KIAA1217: variants seen among roughly 807,000 people sequenced by gnomAD.
KIAA1217 encodes sickle tail protein homolog.
Under a neutral mutation model 163.9 loss-of-function variants are expected in KIAA1217, and 88 were observed. That is an observed-to-expected ratio of 0.54 (90% CI 0.45 to 0.64). The LOEUF (loss-of-function observed/expected upper bound fraction) is 0.64. Among genes scored for constraint, KIAA1217 ranks in the 30% least tolerant of loss-of-function variants. The pLI is 0.00. For synonymous variants in KIAA1217, 903 were observed against 923.1 expected (o/e 0.98, Z 0.39); for missense variants, 2,372 against 2,475.0 (o/e 0.96, Z 0.88).
intron 3 of KIAA1217, among the ~76,000 whole-genome samples, chr10:24,402,445 C>T (rs1172296291): frequency 6.7e-6 from 1 of 148,392 alleles, no homozygotes; most frequent in African/African-American, 2.6e-5. Context: ...GGAGGCGGAG[C>T]TTGCAGTGAG....
At chr10:24,082,636 A>C (rs1356701274) in intron 2 of KIAA1217, among the ~76,000 whole-genome samples, 1 of 152,128 alleles carries the variant, frequency 6.6e-6, no homozygotes, top group Non-Finnish European at 1.5e-5. Flanking sequence ...TTCTTTATCC[A>C]GTCTATCATT....
intron 1 of KIAA1217, among the ~76,000 whole-genome samples, chr10:23,826,625 A>T (rs146889770): frequency 1.3e-5 from 2 of 152,240 alleles, no homozygotes; most frequent in African/African-American, 4.8e-5. Flanking sequence ...CAAGCTGTGG[A>T]TGGAGTTCAA....
chr10:24,488,204 T>G (rs1408056061), intron 6 of KIAA1217, among the ~76,000 whole-genome samples: 2 of 152,060 alleles, frequency 1.3e-5, no homozygotes, highest in Admixed American at 1.3e-4. Context: ...CTGTAAAGAT[T>G]TTGAGGCTGT....
At chr10:23,718,979 GT>G (rs1216516824) in intron 1 of KIAA1217, among the ~76,000 whole-genome samples, 1 of 152,288 alleles carries the variant, frequency 6.6e-6, no homozygotes, top group Non-Finnish European at 1.5e-5. Flanking sequence ...ACCTGTGTTT[GT>G]GTTTGACAAT....
intron 2 of KIAA1217, among the ~76,000 whole-genome samples, chr10:24,034,408 A>C (rs2131543873): frequency 6.6e-6 from 1 of 151,992 alleles, no homozygotes. Flanking sequence ...AAAAATACAA[A>C]AAAAATTAGC....
At chr10:24,270,042 C>T (rs1053037540) in intron 2 of KIAA1217, among the ~76,000 whole-genome samples, 2 of 152,210 alleles carry the variant, frequency 1.3e-5, no homozygotes, top group Non-Finnish European at 2.9e-5. Context: ...AGCGTTAGAA[C>T]ACAGATTGCC....
intron 2 of KIAA1217, among the ~76,000 whole-genome samples, chr10:24,375,691 G>A (rs1341615406): frequency 2.6e-5 from 4 of 152,180 alleles, no homozygotes; most frequent in Non-Finnish European, 5.9e-5. Context: ...AAATACATTT[G>A]CATGTGGAAA....
chr10:24,256,024 G>A (rs574305877), intron 2 of KIAA1217, among the ~76,000 whole-genome samples: 62 of 118,222 alleles, frequency 5.2e-4, no homozygotes, highest in Non-Finnish European at 7.8e-4. Context: ...GAGTGCTGCC[G>A]ATTAACTCAA....
chr10:24,187,851 T>C (rs1054256782), intron 2 of KIAA1217, among the ~76,000 whole-genome samples: 35 of 145,132 alleles, frequency 2.4e-4, no homozygotes, highest in South Asian at 2.2e-3. Flanking sequence ...GATCGCACCA[T>C]TGCATTCCAG....
chr10:23,969,715 C>G (rs1845224419), intron 1 of KIAA1217, among the ~76,000 whole-genome samples: 1 of 152,152 alleles, frequency 6.6e-6, no homozygotes, highest in Admixed American at 6.5e-5. Context: ...CAGATATTCA[C>G]TCTTATTCTA....
At chr10:24,488,580 T>G (rs1272866600) in intron 6 of KIAA1217, among the ~76,000 whole-genome samples, 2 of 152,192 alleles carry the variant, frequency 1.3e-5, no homozygotes, top group African/African-American at 4.8e-5. Context: ...AACAATGTCT[T>G]TAGTTACACA....
At chr10:24,419,356 T>G (rs2058548041) in intron 3 of KIAA1217, among the ~76,000 whole-genome samples, 1 of 152,086 alleles carries the variant, frequency 6.6e-6, no homozygotes, top group African/African-American at 2.4e-5. Flanking sequence ...TTTAAAATGA[T>G]TTTTCTTTAA....
At chr10:23,704,234 G>C (rs1402064200) in intron 1 of KIAA1217, among the ~76,000 whole-genome samples, 2 of 124,758 alleles carry the variant, frequency 1.6e-5, no homozygotes, top group African/African-American at 6.2e-5. Context: ...GGTAAATAAG[G>C]AGAAATATGA....
chr10:24,239,947 T>A (rs2072858286), intron 2 of KIAA1217, among the ~76,000 whole-genome samples: 1 of 152,118 alleles, frequency 6.6e-6, no homozygotes, highest in Non-Finnish European at 1.5e-5. Flanking sequence ...TTTTTGAGCT[T>A]TTAGGGAAGC....
chr10:24,150,954 A>G (rs978294314), intron 2 of KIAA1217, among the ~76,000 whole-genome samples: 1 of 152,076 alleles, frequency 6.6e-6, no homozygotes, highest in Non-Finnish European at 1.5e-5. Flanking sequence ...CCTGAAATGG[A>G]AGGGAATGTT....
chr10:23,944,830 G>A (rs1385621393), intron 1 of KIAA1217, among the ~76,000 whole-genome samples: 3 of 152,098 alleles, frequency 2.0e-5, no homozygotes, highest in Admixed American at 6.5e-5. Flanking sequence ...AGGCCAAGGT[G>A]GGTGGATCAC....
At chr10:23,916,968 C>CAAA (rs72049753) in intron 1 of KIAA1217, among the ~76,000 whole-genome samples, 1,792 of 79,906 alleles carry the variant, frequency 0.022, 88 homozygotes, top group African/African-American at 0.061. Flanking sequence ...GAGATTCTCT[C>CAAA]AAAAAAAAAA....
At chr10:24,218,393 A>G (rs1315862954) in intron 1 of KIAA1217, among the ~76,000 whole-genome samples, 1 of 152,130 alleles carries the variant, frequency 6.6e-6, no homozygotes, top group Non-Finnish European at 1.5e-5. Flanking sequence ...GGCTATCAGG[A>G]TGTACCATTG....
chr10:23,727,501 A>G (rs2130779549), intron 1 of KIAA1217, among the ~76,000 whole-genome samples: 1 of 152,192 alleles, frequency 6.6e-6, no homozygotes, highest in Admixed American at 6.5e-5. Context: ...TGGAGGTTGC[A>G]GTGAGCCGAG....
Sources: allele counts gnomAD v4.1 joint callset (sites outside exome capture counted in the v4.1 genomes callset), GRCh38; gene constraint gnomAD v4.1.1; transcripts MANE v1.5; gene names NCBI Gene and HGNC (gene_info 2026-07-23, HGNC 2026-07-21).